KIRREL3: variants seen among roughly 807,000 people sequenced by gnomAD.
KIRREL3 encodes the protein kirre like nephrin family adhesion molecule 3.
Under a neutral mutation model 89.7 loss-of-function variants are expected in KIRREL3, and 36 were observed. The ratio of observed to expected loss-of-function variants is 0.40; its 90% CI spans 0.31 to 0.53. KIRREL3 has a LOEUF of 0.53. Ranked by LOEUF, KIRREL3 falls within the 20% of genes least tolerant of loss-of-function variation. The pLI is 0.49. For missense variants in KIRREL3, 864 were observed against 1,056.6 expected (o/e 0.82, Z 2.53); for synonymous variants, 445 against 441.4 (o/e 1.01, Z -0.10).
intron 4 of KIRREL3, among the ~76,000 whole-genome samples, chr11:126,482,337 C>G (rs966567388): frequency 6.6e-6 from 1 of 152,186 alleles, no homozygotes; most frequent in African/African-American, 2.4e-5. Flanking sequence ...CCGTGCCGGG[C>G]CTGCCCCTTT....
At chr11:126,882,025 G>GA (rs1264786689) in intron 1 of KIRREL3, among the ~76,000 whole-genome samples, 2 of 152,034 alleles carry the variant, frequency 1.3e-5, no homozygotes, top group African/African-American at 4.8e-5. Context: ...GTGTAGGGGG[G>GA]ATCAAGCCCT....
intron 1 of KIRREL3, among the ~76,000 whole-genome samples, chr11:126,667,876 C>G (rs994782928): frequency 6.6e-6 from 1 of 152,164 alleles, no homozygotes; most frequent in African/African-American, 2.4e-5. Context: ...TCTGAGGAGA[C>G]TGGTGTTTTC....
At chr11:126,439,531 T>C (rs997804939) in intron 11 of KIRREL3, among the ~76,000 whole-genome samples, 1 of 149,020 alleles carries the variant, frequency 6.7e-6, no homozygotes, top group Admixed American at 6.7e-5. Flanking sequence ...AAAATGCAGA[T>C]ACTGGCTGGG....
Position 126,444,968 on chromosome 11 carries a change from G to A in KIRREL3, c.1252+11C>T, listed in dbSNP as rs530773269. The A allele has an allele frequency of 4.0e-5, 64 of 1,613,606 alleles. No homozygotes were observed. Among genetic ancestry groups the A allele is most frequent in the African/African-American group, 1.3e-4 (10 of 75,036 alleles). On this transcript the variant is annotated intron_variant, in intron 10 of 16. Transcript: ENST00000525144. ...TCCCTCAGGCCTGGCTCACCCCAGC[G>A]AGGGTCTTACCATTGACGGTCAGGG...
intron 1 of KIRREL3, among the ~76,000 whole-genome samples, chr11:126,815,041 C>T (rs140024358): frequency 9.4e-4 from 143 of 152,262 alleles, no homozygotes; most frequent in Middle Eastern, 3.4e-3. Context: ...TGCAGAACAC[C>T]TAAACCTGTT....
At chr11:126,838,380 C>A (rs566328437) in intron 1 of KIRREL3, among the ~76,000 whole-genome samples, 20 of 152,322 alleles carry the variant, frequency 1.3e-4, no homozygotes, top group African/African-American at 4.6e-4. Flanking sequence ...CCAGACTGCA[C>A]CTTCTATAAC....
rs974967076 is a variant in KIRREL3, at chr11:126,476,802, C to T, written c.434-3336G>A. ...ACCTCCCCATTCAGACTCGGCCAGG[C>T]TGGGCCAGGCAGTGGCGAGGGGAGG... On this transcript the variant is annotated intron_variant, in intron 4 of 16. Coordinates refer to ENST00000525144, the MANE Select transcript of KIRREL3 (RefSeq NM_032531.4). This position sits in a 1 kb window ranked among gnomAD's most constrained non-coding sequence, Gnocchi z 6.4. Among the ~76,000 whole-genome samples, 19 of 152,136 alleles carry T rather than the reference C, an allele frequency of 1.2e-4. No individual in the cohort carries two copies. The highest frequency in any genetic ancestry group is 2.0e-4 in the Admixed American group (3 of 15,274).
intron 1 of KIRREL3, among the ~76,000 whole-genome samples, chr11:126,735,112 G>A (rs1948758024): frequency 6.6e-6 from 1 of 152,184 alleles, no homozygotes; most frequent in Non-Finnish European, 1.5e-5. Context: ...CTCGGGGCTA[G>A]GAGGTTACAT....
chr11:126,686,118 T>C lies in KIRREL3; in HGVS notation c.56-123206A>G, dbSNP rs1946655366. Among the ~76,000 whole-genome samples the C allele has an allele frequency of 6.6e-6, 1 of 152,150 alleles. No individual in the cohort carries two copies. Among genetic ancestry groups the C allele is most frequent in the South Asian group, 2.1e-4 (1 of 4,824 alleles). On this transcript the variant is annotated intron_variant, in intron 1 of 16. Transcript: ENST00000525144. This position sits in a 1 kb window ranked among gnomAD's most constrained non-coding sequence, Gnocchi z 4.7. ...GATGGCCCCCGAGTCCATCAGCAGC[T>C]CCTTCCCTGTGGTCCGAGTTACTGG...
rs539573537 is a variant in KIRREL3 at position 126,977,357 on chromosome 11, A to G, written c.55+23098T>C. On this transcript the variant is annotated intron_variant, in intron 1 of 16. Coordinates refer to ENST00000525144, the MANE Select transcript of KIRREL3 (RefSeq NM_032531.4). The surrounding 1 kb of genome is among the most constrained non-coding windows in gnomAD (Gnocchi z 4.7). ...GTGCTGTCAAAACACTGAAGCTGCCATCTTTCTTGAGCCACCTTTCTTTTT... is the reference window on the plus strand; with the variant it reads ...GTGCTGTCAAAACACTGAAGCTGCCGTCTTTCTTGAGCCACCTTTCTTTTT... 1.3e-5 allele frequency among the ~76,000 whole-genome samples: 2 copies of G among 152,196 alleles called. No individual in the cohort carries two copies. The highest frequency in any genetic ancestry group is 2.1e-4 in the South Asian group (1 of 4,816).
At chr11:126,738,291 C>G (rs1948871534) in intron 1 of KIRREL3, among the ~76,000 whole-genome samples, 1 of 152,186 alleles carries the variant, frequency 6.6e-6, no homozygotes, top group Admixed American at 6.5e-5. Flanking sequence ...CCCTCCACCC[C>G]TGTCTTGCCT....
chr11:126,845,579 C>A lies in KIRREL3; in HGVS notation c.55+154876G>T, dbSNP rs568377581. Among the ~76,000 whole-genome samples, 137 of 152,216 alleles carry A rather than the reference C, an allele frequency of 9.0e-4. 2 individuals are homozygous for A. Among genetic ancestry groups the A allele is most frequent in the African/African-American group, 3.0e-3 (125 of 41,524 alleles). On this transcript the variant is annotated intron_variant, in intron 1 of 16. Coordinates refer to ENST00000525144, the MANE Select transcript of KIRREL3 (RefSeq NM_032531.4). ...CAAGATGGCCCGGAAAACTGGTCAG[C>A]CATGTCCTTAGAAGCTTGATCTTGT... is the stretch of plus-strand genomic sequence containing the variant.
In KIRREL3 at chr11:126,530,124, C is replaced by T. The variant is rs1298038179; in HGVS notation, c.134-3437G>A. On this transcript the variant is annotated intron_variant, in intron 2 of 16. Transcript: ENST00000525144. This position sits in a 1 kb window ranked among gnomAD's most constrained non-coding sequence, Gnocchi z 5.8. The stretch of plus-strand genomic sequence containing the variant: ...CTTTTGAGACTGAGTCTCACTCTGT[C>T]GCCCAGGCTGGAGTTCAGTGGGGCA... 6.6e-5 allele frequency among the ~76,000 whole-genome samples: 10 copies of T among 152,110 alleles called. No homozygotes were observed. In the East Asian group the frequency reaches 7.7e-4, roughly 12 times the overall value.
In KIRREL3 at chr11:126,754,323, A is replaced by C. The variant is rs1204040707; in HGVS notation, c.56-191411T>G. 1.1e-4 allele frequency among the ~76,000 whole-genome samples: 17 copies of C among 152,200 alleles called. No individual in the cohort carries two copies. The highest frequency in any genetic ancestry group is 1.1e-3 in the Admixed American group (17 of 15,280). The stretch of plus-strand genomic sequence containing the variant: ...GAGATTAAAAGAAAACTTGATGGAA[A>C]ATAAAGATGTTCACTGCTGAAACAG... On this transcript the variant is annotated intron_variant, in intron 1 of 16. Coordinates refer to ENST00000525144, the MANE Select transcript of KIRREL3 (RefSeq NM_032531.4). The surrounding 1 kb of genome is among the most constrained non-coding windows in gnomAD (Gnocchi z 5.1).
intron 1 of KIRREL3, among the ~76,000 whole-genome samples, chr11:126,691,928 A>G (rs1946891904): frequency 1.3e-5 from 2 of 152,268 alleles, no homozygotes; most frequent in South Asian, 2.1e-4. Flanking sequence ...GTTAAACATC[A>G]CTAATCATCA....
In KIRREL3 at chr11:126,797,814, G is replaced by A. The variant is rs1304002100; in HGVS notation, c.55+202641C>T. Among the ~76,000 whole-genome samples, 3 of 152,158 alleles carry A rather than the reference G, an allele frequency of 2.0e-5. No homozygotes were observed. Among genetic ancestry groups the A allele is most frequent in the African/African-American group, 7.2e-5 (3 of 41,420 alleles). ...TCCTTGTAAATCAGAAGCACCGGGA[G>A]CAATTTATTTCTAAACATCAACACT... On this transcript the variant is annotated intron_variant, in intron 1 of 16. Coordinates refer to ENST00000525144, the MANE Select transcript of KIRREL3 (RefSeq NM_032531.4). The surrounding 1 kb of genome is among the most constrained non-coding windows in gnomAD (Gnocchi z 4.9).
At chr11:126,949,707 G>C (rs1310100301) in intron 1 of KIRREL3, among the ~76,000 whole-genome samples, 1 of 152,104 alleles carries the variant, frequency 6.6e-6, no homozygotes, top group African/African-American at 2.4e-5. Context: ...CTGTATCTAG[G>C]ACACGTTCCC....
chr11:126,979,541 C>T (rs775930505), intron 1 of KIRREL3, among the ~76,000 whole-genome samples: 15 of 152,156 alleles, frequency 9.9e-5, no homozygotes, highest in South Asian at 4.1e-4. Context: ...CTTTGGCTGA[C>T]GCAGAGAGGT....
rs373227293 is a variant in KIRREL3, at chr11:126,465,963, ATTC to A, written c.592-2659_592-2657del. 5.1e-4 allele frequency among the ~76,000 whole-genome samples: 78 copies of A among 152,276 alleles called. 1 individual carries two copies. The South Asian group carries it at 0.014, about 27-fold the overall frequency. ...GGGAGGTGGTGAGGAGCAGGTTGGT[ATTC>A]TTCTTCTCTTCTTTACATTTCCGTT... On this transcript the variant is annotated intron_variant, in intron 5 of 16. Coordinates refer to ENST00000525144, the MANE Select transcript of KIRREL3 (RefSeq NM_032531.4).
Sources: gnomAD v4.1 joint callset for allele counts (sites outside exome capture counted in the v4.1 genomes callset) on GRCh38, gnomAD v4.1.1 for gene constraint, Gnocchi (gnomAD v3.1) non-coding constraint, MANE v1.5 for transcripts, NCBI Gene and HGNC (gene_info 2026-07-23, HGNC 2026-07-21) for gene names.